Variants in NAALADL2 observed in about 807,000 individuals in gnomAD.
NAALADL2 encodes N-acetylated alpha-linked acidic dipeptidase like 2, also known as inactive N-acetylated-alpha-linked acidic dipeptidase-like protein 2.
NAALADL2 carries 76 observed loss-of-function variants against 87.2 expected under a neutral mutation model. That is an observed-to-expected ratio of 0.87 (90% CI 0.72 to 1.05). NAALADL2 has a LOEUF of 1.05. Among genes scored for constraint, NAALADL2 ranks in the 50% least tolerant of loss-of-function variants. The probability of loss-of-function intolerance (pLI) is 0.00; values close to 1 mark genes in which losing one functional copy is unlikely to be tolerated. For synonymous variants in NAALADL2, 354 were observed against 331.0 expected (o/e 1.07, Z -0.75); for missense variants, 1,089 against 945.8 (o/e 1.15, Z -1.99).
chr3:175,024,810 G>GT, intron 1 of NAALADL2, among the ~76,000 whole-genome samples: 1 of 152,114 alleles, frequency 6.6e-6, no homozygotes, highest in East Asian at 1.9e-4. Flanking sequence ...ATTTGTCAGA[G>GT]TAACATGTAC....
chr3:174,966,428 C>T (rs1742883956), intron 1 of NAALADL2, among the ~76,000 whole-genome samples: 1 of 152,056 alleles, frequency 6.6e-6, no homozygotes. Context: ...CAGAGACCAG[C>T]AAGGAGGTTG....
At chr3:175,390,192 G>C (rs1011045588) in intron 5 of NAALADL2, among the ~76,000 whole-genome samples, 2 of 151,972 alleles carry the variant, frequency 1.3e-5, no homozygotes, top group African/African-American at 4.8e-5. Flanking sequence ...ATTATACTGT[G>C]CCTTCCACTC....
At chr3:174,684,956 T>C (rs1385058802) in intron 2 of NAALADL2, among the ~76,000 whole-genome samples, 1 of 152,100 alleles carries the variant, frequency 6.6e-6, no homozygotes, top group African/African-American at 2.4e-5. Flanking sequence ...TCCTCATTCA[T>C]CTTCTTGTCT....
intron 1 of NAALADL2, among the ~76,000 whole-genome samples, chr3:175,011,320 G>T (rs6783950): frequency 0.021 from 2,969 of 141,290 alleles, 114 homozygotes; most frequent in African/African-American, 0.073. Context: ...GAGAGAGAGA[G>T]ACTAATTCTG....
intron 3 of NAALADL2, among the ~76,000 whole-genome samples, chr3:174,772,483 T>G (rs1048751119): frequency 3.3e-5 from 5 of 152,162 alleles, no homozygotes; most frequent in Non-Finnish European, 7.4e-5. Flanking sequence ...ATTTGAAAAG[T>G]GTAGTGCTCT....
chr3:175,640,894 G>A (rs767550087), intron 11 of NAALADL2, among the ~76,000 whole-genome samples: 13 of 152,098 alleles, frequency 8.5e-5, no homozygotes, highest in Non-Finnish European at 1.5e-4. Flanking sequence ...CATTGCAAAG[G>A]CTCTTAAGTA....
At chr3:174,946,811 A>G (rs1739491767) in intron 1 of NAALADL2, among the ~76,000 whole-genome samples, 1 of 152,194 alleles carries the variant, frequency 6.6e-6, no homozygotes, top group Non-Finnish European at 1.5e-5. Context: ...GTTTAAATAC[A>G]CAGTGAAAAC....
rs143090006 is a variant in NAALADL2 at position 175,162,660 on chromosome 3, T to A, written c.545+65369T>A. On this transcript the variant is annotated intron_variant, in intron 2 of 13. Transcript: ENST00000454872. ...GATTCTTGCCAGGAACCAGCACTCA[T>A]GGAGAAAGTTAATATTCCAGGATAT... Among the ~76,000 whole-genome samples, 4 of 152,286 alleles carry A rather than the reference T, an allele frequency of 2.6e-5. No homozygotes were observed. The East Asian group carries it at 7.7e-4, about 29-fold the overall frequency.
chr3:174,837,439 T>G (rs968095689), intron 3 of NAALADL2, among the ~76,000 whole-genome samples: 1 of 152,126 alleles, frequency 6.6e-6, no homozygotes, highest in Non-Finnish European at 1.5e-5. Context: ...TTATCTTAAA[T>G]TAGGAAGAAT....
chr3:175,340,292 A>T (rs1762437083), intron 5 of NAALADL2, among the ~76,000 whole-genome samples: 12 of 152,188 alleles, frequency 7.9e-5, no homozygotes, highest in Admixed American at 7.2e-4. Flanking sequence ...ATAATGGGAT[A>T]TTGGTGAAAT....
chr3:175,780,930 T>C (rs1750968767), intron 13 of NAALADL2, among the ~76,000 whole-genome samples: 2 of 152,200 alleles, frequency 1.3e-5, no homozygotes, highest in South Asian at 4.1e-4. Context: ...TGGGCTCAAC[T>C]CTTTAATAAT....
intron 2 of NAALADL2, among the ~76,000 whole-genome samples, chr3:175,161,232 A>G (rs937040889): frequency 2.0e-5 from 3 of 152,152 alleles, no homozygotes; most frequent in African/African-American, 7.2e-5. Context: ...ACAGAAGCCA[A>G]CTTTTGCTAA....
At chr3:174,606,835 C>A (rs1358038455) in intron 2 of NAALADL2, among the ~76,000 whole-genome samples, 1 of 152,078 alleles carries the variant, frequency 6.6e-6, no homozygotes, top group Non-Finnish European at 1.5e-5. Flanking sequence ...CAAAGATACT[C>A]CTCGAGAAGA....
intron 2 of NAALADL2, among the ~76,000 whole-genome samples, chr3:175,181,703 ATGTGTGTGTGTG>A (rs1553802433): frequency 5.6e-5 from 6 of 106,820 alleles, no homozygotes; most frequent in Admixed American, 1.0e-4. Context: ...ATATATATAT[ATGTGTGTGTGTG>A]TGTATATATA....
intron 2 of NAALADL2, among the ~76,000 whole-genome samples, chr3:174,667,053 T>A (rs75459478): frequency 1.3e-5 from 2 of 152,164 alleles, no homozygotes; most frequent in Non-Finnish European, 2.9e-5. Flanking sequence ...TTGAACGTAT[T>A]TACCACATTT....
At chr3:174,526,358 G>T (rs572451854) in intron 1 of NAALADL2, among the ~76,000 whole-genome samples, 9 of 152,180 alleles carry the variant, frequency 5.9e-5, no homozygotes, top group Admixed American at 2.0e-4. Context: ...CTTACTAGCT[G>T]TGTGACTTTG....
intron 5 of NAALADL2, among the ~76,000 whole-genome samples, chr3:175,426,538 A>C (rs1340066902): frequency 2.6e-5 from 4 of 152,156 alleles, no homozygotes; most frequent in Non-Finnish European, 4.4e-5. Context: ...AATATGACTT[A>C]ATGTGTCTGC....
intron 4 of NAALADL2, among the ~76,000 whole-genome samples, chr3:175,297,239 C>T (rs1035774245): frequency 2.6e-5 from 4 of 152,138 alleles, no homozygotes; most frequent in Middle Eastern, 3.2e-3. Flanking sequence ...CAATAGTTTT[C>T]GGCCAAAAGC....
intron 3 of NAALADL2, among the ~76,000 whole-genome samples, chr3:174,816,996 A>C (rs893069155): frequency 6.6e-5 from 10 of 152,184 alleles, no homozygotes; most frequent in African/African-American, 2.4e-4. Flanking sequence ...ACTTTATTCT[A>C]TGTCTTCAGT....
Sources: gnomAD v4.1 joint callset for allele counts (sites outside exome capture counted in the v4.1 genomes callset) on GRCh38, gnomAD v4.1.1 for gene constraint, MANE v1.5 for transcripts, NCBI Gene and HGNC (gene_info 2026-07-23, HGNC 2026-07-21) for gene names.